SMARCAD1: variants seen among roughly 807,000 people sequenced by gnomAD.
SMARCAD1 encodes SNF2 related chromatin remodeling ATPase with DExD box 1, also known as SWI/SNF-related matrix-associated actin-dependent regulator of chromatin subfamily A containing DEAD/H box 1.
In SMARCAD1, 25 loss-of-function variants were observed where a neutral mutation model predicts 127.1. That is an observed-to-expected ratio of 0.20 (90% confidence interval 0.14 to 0.27). SMARCAD1 has a LOEUF of 0.27. SMARCAD1 is among the 10% of genes least tolerant of loss of function. The pLI, the probability that SMARCAD1 is intolerant of heterozygous loss-of-function variation, is 1.00. For missense variants in SMARCAD1, 807 were observed against 1,206.0 expected, an observed-to-expected ratio of 0.67 and a Z score of 4.90; for synonymous variants, 400 against 396.9, an observed-to-expected ratio of 1.01 and a Z score of -0.09.
intron 2 of SMARCAD1, among the ~76,000 whole-genome samples, chr4:94,223,164 G>A (rs1292819112): frequency 6.6e-6 from 1 of 151,998 alleles, no homozygotes; most frequent in African/African-American, 2.4e-5. Flanking sequence ...GCAGTCCAGT[G>A]CTCTGCCTCT....
chr4:94,280,713 T>C lies in SMARCAD1; in HGVS notation c.2540T>C (p.Met847Thr). 1 of 1,613,766 alleles carries C rather than the reference T, an allele frequency of 6.2e-7. No homozygotes were observed. The highest frequency in any genetic ancestry group is 2.2e-5 in the East Asian group (1 of 44,788). The change falls in exon 20 of 24, where the codon ATG becomes ACG. Residue 847 changes from methionine (M) to threonine (T), a missense_variant. Coordinates refer to ENST00000354268, the MANE Select transcript of SMARCAD1 (RefSeq NM_020159.5). Reference protein sequence around the residue: ...YRHINNFQLDMDLILDSGKFR... With the variant: ...YRHINNFQLDTDLILDSGKFR... ...CACATTAATAACTTTCAGTTAGACA[T>C]GGACTTGATTTTAGATTCTGGAAAA...
chr4:94,209,506 C>CT (rs1393794055), intron 2 of SMARCAD1, among the ~76,000 whole-genome samples: 2 of 152,190 alleles, frequency 1.3e-5, no homozygotes, highest in African/African-American at 4.8e-5. Context: ...ATGCAAAACT[C>CT]TGTTTCGTAA....
At chr4:94,284,498 A>C (rs1754630980) in intron 22 of SMARCAD1, among the ~76,000 whole-genome samples, 1 of 151,840 alleles carries the variant, frequency 6.6e-6, no homozygotes, top group Admixed American at 6.6e-5. Context: ...TCCCAGGTTC[A>C]AGCAATTCCC....
chr4:94,270,761 G>A lies in SMARCAD1; in HGVS notation c.1515G>A (p.Leu505=). 1 of 1,613,550 alleles carries A rather than the reference G, an allele frequency of 6.2e-7. No individual in the cohort carries two copies. The highest frequency in any genetic ancestry group is 8.5e-7 in the Non-Finnish European group (1 of 1,179,668). ...TCAAGCCCTATCAGAAGGTTGGTTT[G>A]AATTGGCTGGCATTGGTACATAAAC... ...LSLKPYQKVG[L]NWLALVHKHG... The change falls in exon 11 of 24, where the codon TTG becomes TTA. Residue 505 remains leucine (L), a synonymous_variant. Transcript: ENST00000354268.
intron 2 of SMARCAD1, among the ~76,000 whole-genome samples, chr4:94,221,987 G>T (rs1025377797): frequency 2.6e-5 from 4 of 152,146 alleles, no homozygotes; most frequent in Admixed American, 6.5e-5. Flanking sequence ...CATATGGGGG[G>T]TGTAAAACTG....
intron 6 of SMARCAD1, among the ~76,000 whole-genome samples, chr4:94,244,218 T>C (rs183172836): frequency 2.0e-5 from 3 of 152,352 alleles, no homozygotes; most frequent in Admixed American, 1.3e-4. Flanking sequence ...AGACCTAAAA[T>C]AGAAGTCACT....
chr4:94,244,050 G>A (rs536966365), intron 6 of SMARCAD1, among the ~76,000 whole-genome samples: 10 of 152,340 alleles, frequency 6.6e-5, no homozygotes, highest in South Asian at 4.1e-4. Flanking sequence ...AAAAGTGTAT[G>A]TATGGCTGGA....
Position 94,252,922 on chromosome 4 carries a change from G to C in SMARCAD1, c.1196G>C (p.Gly399Ala). Reference sequence around the variant, plus strand: ...CACTTCCTTCAAGATGCTTCAATTGGTGAACTTACTTTGATTCCTCAGTGT... The same window carrying C: ...CACTTCCTTCAAGATGCTTCAATTGCTGAACTTACTTTGATTCCTCAGTGT... ...ILHFLQDASI[G>A]ELTLIPQCSQ... is the part of the protein sequence containing the mutation. Residue 399 changes from glycine to alanine, a missense_variant, in exon 9 of 24, where the codon GGT becomes GCT. This residue lies in a region of SMARCAD1 where 257 missense variants were observed against 303.4 expected (regional missense o/e 0.85). Coordinates refer to ENST00000354268, the MANE Select transcript of SMARCAD1 (RefSeq NM_020159.5). 1 of 1,614,030 alleles carries C rather than the reference G, an allele frequency of 6.2e-7. No individual in the cohort carries two copies. Among genetic ancestry groups the C allele is most frequent in the Non-Finnish European group, 8.5e-7 (1 of 1,179,984 alleles).
intron 2 of SMARCAD1, among the ~76,000 whole-genome samples, chr4:94,223,229 T>C (rs548988143): frequency 8.0e-4 from 121 of 151,930 alleles, no homozygotes; most frequent in Non-Finnish European, 1.5e-3. Context: ...GCGTGGTAGC[T>C]CACATCTGTA....
intron 11 of SMARCAD1, among the ~76,000 whole-genome samples, chr4:94,272,307 A>G (rs1752654059): frequency 6.6e-6 from 1 of 152,220 alleles, no homozygotes; most frequent in African/African-American, 2.4e-5. Flanking sequence ...AGGTGGACAC[A>G]ATTCAGTCCA....
intron 4 of SMARCAD1, among the ~76,000 whole-genome samples, chr4:94,234,485 C>T (rs1006770212): frequency 6.6e-6 from 1 of 152,090 alleles, no homozygotes; most frequent in South Asian, 2.1e-4. Context: ...GCATTTAGTG[C>T]CCTGAAGCCA....
At chr4:94,220,228 C>T (rs1032927204) in intron 2 of SMARCAD1, among the ~76,000 whole-genome samples, 11 of 151,976 alleles carry the variant, frequency 7.2e-5, no homozygotes, top group Non-Finnish European at 1.3e-4. Flanking sequence ...ATATTATAAA[C>T]GGCTTTTACT....
chr4:94,231,987 T>TTA (rs904595353), intron 3 of SMARCAD1, among the ~76,000 whole-genome samples: 1 of 152,020 alleles, frequency 6.6e-6, no homozygotes, highest in African/African-American at 2.4e-5. Flanking sequence ...TCAGCCTCCC[T>TTA]AGTAGGTGGG....
intron 9 of SMARCAD1, among the ~76,000 whole-genome samples, chr4:94,255,087 TTTG>T (rs1226081644): frequency 2.2e-4 from 33 of 152,168 alleles, no homozygotes; most frequent in African/African-American, 7.5e-4. Context: ...AAAAAATTGT[TTTG>T]TGTTGATAGC....
intron 10 of SMARCAD1, among the ~76,000 whole-genome samples, chr4:94,270,252 C>A (rs2125975118): frequency 6.6e-6 from 1 of 152,056 alleles, no homozygotes. Flanking sequence ...ATTATACATA[C>A]CACTGATATT....
At chr4:94,219,726 A>G (rs1743793356) in intron 2 of SMARCAD1, among the ~76,000 whole-genome samples, 1 of 152,228 alleles carries the variant, frequency 6.6e-6, no homozygotes, top group Non-Finnish European at 1.5e-5. Context: ...TTTATATGGA[A>G]GGACAGGCTG....
chr4:94,246,164 G>A (rs980194936), intron 6 of SMARCAD1, among the ~76,000 whole-genome samples: 2 of 151,094 alleles, frequency 1.3e-5, no homozygotes, highest in African/African-American at 4.9e-5. Flanking sequence ...CTGTTGTCTG[G>A]GCTGGAGTGC....
At chr4:94,254,707 A>G (rs923476026) in intron 9 of SMARCAD1, among the ~76,000 whole-genome samples, 1 of 152,150 alleles carries the variant, frequency 6.6e-6, no homozygotes, top group Non-Finnish European at 1.5e-5. Context: ...TATTTTATGT[A>G]ACAGTCTAAA....
At chr4:94,220,077 G>A (rs282449) in intron 2 of SMARCAD1, among the ~76,000 whole-genome samples, 57,764 of 151,942 alleles carry the variant, frequency 0.38, 11,979 homozygotes, top group East Asian at 0.72. Context: ...ATTAAAAAGC[G>A]TCATTGCAGC....
Sources: gnomAD v4.1 joint callset for allele counts (sites outside exome capture counted in the v4.1 genomes callset) on GRCh38, gnomAD v4.1.1 for gene constraint, gnomAD v4.1.1 regional missense constraint, MANE v1.5 for transcripts, NCBI Gene and HGNC (gene_info 2026-07-23, HGNC 2026-07-21) for gene names.